The following NAA16 variants were observed in gnomAD, a reference collection of about 807,000 sequenced individuals.
NAA16 encodes NARG1-like protein.
In NAA16, 97 loss-of-function variants were observed where a neutral mutation model predicts 110.3. The observed-to-expected ratio is 0.88, with a 90% confidence interval of 0.75 to 1.04. NAA16 has a LOEUF of 1.04. Among genes scored for constraint, NAA16 ranks in the 50% least tolerant of loss-of-function variants. NAA16 has a pLI of 0.00. For synonymous variants in NAA16, 372 were observed against 330.6 expected (o/e 1.13, Z -1.36); for missense variants, 1,017 against 1,005.1 (o/e 1.01, Z -0.16).
At chr13:41,316,397 C>A (rs926316110) in intron 1 of NAA16, among the ~76,000 whole-genome samples, 2 of 151,498 alleles carry the variant, frequency 1.3e-5, no homozygotes, top group African/African-American at 4.9e-5. Context: ...ACCTCTGCCT[C>A]CTGCGTTCAA....
At chr13:41,331,242 C>G (rs1566256968) in intron 7 of NAA16, 32 bp from the exon 8 acceptor site, 3 of 1,330,188 alleles carry the variant, frequency 2.3e-6, no homozygotes, top group Non-Finnish European at 2.1e-6. Context: ...AGTTTTGATG[C>G]TATGAATCTC....
chr13:41,375,160 T>C (rs923199662), intron 19 of NAA16, among the ~76,000 whole-genome samples: 2 of 152,238 alleles, frequency 1.3e-5, no homozygotes, highest in South Asian at 4.1e-4. Flanking sequence ...AAGGACACTT[T>C]GATTTTTAGT....
chr13:41,368,117 CTG>C (rs2043243284), intron 14 of NAA16, among the ~76,000 whole-genome samples: 1 of 151,962 alleles, frequency 6.6e-6, no homozygotes, highest in African/African-American at 2.4e-5. Flanking sequence ...AAAATTGTAA[CTG>C]AAAATAGCTT....
At chr13:41,311,719 C>G (rs1019538040) in intron 1 of NAA16, 137 bp downstream of exon 1, 5 of 768,296 alleles carry the variant, frequency 6.5e-6, no homozygotes, top group Non-Finnish European at 1.0e-5. Context: ...TCGGAGGTCG[C>G]GGGACCCCAC....
intron 8 of NAA16, among the ~76,000 whole-genome samples, chr13:41,335,912 G>C (rs2042369332): frequency 6.7e-6 from 1 of 150,202 alleles, no homozygotes; most frequent in Admixed American, 6.6e-5. Context: ...TTATGTATTA[G>C]TCCATACTGT....
chr13:41,364,747 A>G (rs576230963), intron 13 of NAA16, among the ~76,000 whole-genome samples: 34 of 152,290 alleles, frequency 2.2e-4, no homozygotes, highest in East Asian at 1.2e-3. Flanking sequence ...TTTATCTTCT[A>G]TTGTATCTTA....
At chr13:41,344,517 C>T (rs574385089) in intron 9 of NAA16, among the ~76,000 whole-genome samples, 1 of 152,190 alleles carries the variant, frequency 6.6e-6, no homozygotes, top group Non-Finnish European at 1.5e-5. Flanking sequence ...GTGAGGTGTG[C>T]TACTGGCATC....
At chr13:41,347,508 T>A (rs1270621876) in intron 9 of NAA16, among the ~76,000 whole-genome samples, 1 of 152,044 alleles carries the variant, frequency 6.6e-6, no homozygotes, top group Non-Finnish European at 1.5e-5. Context: ...TGTATTTAGG[T>A]CTTTGATTTC....
intron 12 of NAA16, among the ~76,000 whole-genome samples, chr13:41,359,769 T>C (rs1372404247): frequency 6.6e-6 from 1 of 152,074 alleles, no homozygotes; most frequent in Admixed American, 6.6e-5. Context: ...AAACTAATTA[T>C]AATATAATCT....
chr13:41,372,455 T>C, intron 16 of NAA16, 144 bp downstream of exon 16: 1 of 1,347,110 alleles, frequency 7.4e-7, no homozygotes, highest in South Asian at 2.1e-5. Context: ...ACTCGAAACT[T>C]AGGTGGGTAA....
At chr13:41,317,074 T>A (rs1341169296) in intron 2 of NAA16, 144 bp downstream of exon 2, 2 of 612,720 alleles carry the variant, frequency 3.3e-6, no homozygotes, top group Non-Finnish European at 5.9e-6. Context: ...TTTAATGCTT[T>A]ATATGAGTCT....
chr13:41,311,477 CGCCCGGGCACCTAGCCTCCCT>C lies in NAA16; in HGVS notation c.-48_-28del. On this transcript the variant is annotated 5_prime_UTR_variant, in exon 1 of 20. Coordinates refer to ENST00000379406, the MANE Select transcript of NAA16 (RefSeq NM_024561.5). ...CGGTGCCCACCCCCGCGAAGCGGAGCGCCCGGGCACCTAGCCTCCCTGCCGGCCACCTAGCCTCCCTGCCGG... is the reference window on the plus strand; with the variant it reads ...CGGTGCCCACCCCCGCGAAGCGGAGCGCCGGCCACCTAGCCTCCCTGCCGG... 2 of 1,543,376 alleles carry C rather than the reference CGCCCGGGCACCTAGCCTCCCT, an allele frequency of 1.3e-6. No individual in the cohort carries two copies. Among genetic ancestry groups the C allele is most frequent in the Non-Finnish European group, 1.8e-6 (2 of 1,138,752 alleles).
Position 41,339,129 on chromosome 13 carries a change from G to GTTGTTGT in NAA16, c.1014+2378_1014+2379insGTTTGTT, listed in dbSNP as rs1555284358. On this transcript the variant is annotated intron_variant, in intron 9 of 19. Coordinates refer to ENST00000379406, the MANE Select transcript of NAA16 (RefSeq NM_024561.5). ...AAATGTATTTCTTGTTTTTGTTGTT[G>GTTGTTGT]TTGTTTGTTTGTTTGTTTGTTTGTT... 9.0e-4 allele frequency among the ~76,000 whole-genome samples: 137 copies of GTTGTTGT among 151,708 alleles called. No individual in the cohort carries two copies. In the East Asian group the frequency reaches 0.019, roughly 21 times the overall value.
intron 15 of NAA16, 62 bp downstream of exon 15, chr13:41,369,345 A>G: frequency 7.5e-7 from 1 of 1,340,462 alleles, no homozygotes; most frequent in Non-Finnish European, 9.9e-7. Context: ...TTCCGTTCTG[A>G]CAGTTAACAT....
At chr13:41,373,067 T>G (rs2043354038) in intron 17 of NAA16, 1 of 829,848 alleles carries the variant, frequency 1.2e-6, no homozygotes, top group South Asian at 6.0e-5. Context: ...TAAAGAGATT[T>G]GCAATAACGT....
chr13:41,372,123 A>G (rs912425733), intron 15 of NAA16, 80 bp from the exon 16 acceptor site: 129 of 1,151,600 alleles, frequency 1.1e-4, no homozygotes, highest in Non-Finnish European at 1.5e-4. Flanking sequence ...TACTTTAGAC[A>G]TATGTTAATA....
intron 9 of NAA16, among the ~76,000 whole-genome samples, chr13:41,352,591 G>C (rs1375796327): frequency 6.6e-6 from 1 of 152,126 alleles, no homozygotes; most frequent in Non-Finnish European, 1.5e-5. Flanking sequence ...GGAGGCAGAG[G>C]TTGCAGTGAG....
At chr13:41,320,872 T>G in intron 4 of NAA16, 48 bp downstream of exon 4, 1 of 1,502,324 alleles carries the variant, frequency 6.7e-7, no homozygotes, top group Non-Finnish European at 8.9e-7. Flanking sequence ...TAGACAAAAT[T>G]TAAGAGCGTG....
intron 8 of NAA16, among the ~76,000 whole-genome samples, chr13:41,333,079 G>A (rs1341428598): frequency 1.3e-5 from 2 of 152,024 alleles, no homozygotes; most frequent in Non-Finnish European, 2.9e-5. Flanking sequence ...TGGGAAACTG[G>A]GTTAGACACA....
Sources: allele counts gnomAD v4.1 joint callset (sites outside exome capture counted in the v4.1 genomes callset), GRCh38; gene constraint gnomAD v4.1.1; transcripts MANE v1.5; gene names NCBI Gene and HGNC (gene_info 2026-07-23, HGNC 2026-07-21).